The following STARD10 variants were observed in gnomAD, a reference collection of about 807,000 sequenced individuals.
STARD10 encodes the protein START domain-containing protein 10.
A neutral mutation model predicts 36.0 loss-of-function variants in STARD10; 24 were observed. The observed-to-expected ratio is 0.67, with a 90% CI of 0.48 to 0.94. STARD10 has a LOEUF of 0.94. STARD10 is among the 40% of genes least tolerant of loss of function. STARD10 has a pLI of 0.00. For synonymous variants in STARD10, 156 were observed against 161.9 expected (o/e 0.96, Z 0.28); for missense variants, 335 against 396.6 (o/e 0.84, Z 1.32).
chr11:72,761,862 G>GATAGGAA (rs1488977841), intron 2 of STARD10, among the ~76,000 whole-genome samples: 134 of 148,132 alleles, frequency 9.0e-4, no homozygotes, highest in African/African-American at 3.1e-3. Context: ...CTAAATGATA[G>GATAGGAA]ATAGGAATGT....
At chr11:72,775,862 C>T (rs1858922673) in intron 2 of STARD10, among the ~76,000 whole-genome samples, 1 of 152,192 alleles carries the variant, frequency 6.6e-6, no homozygotes, top group Non-Finnish European at 1.5e-5. Flanking sequence ...AGGCAGAGAA[C>T]TTGCCCAGGG....
At chr11:72,770,511 C>G (rs1330805434) in intron 2 of STARD10, among the ~76,000 whole-genome samples, 2 of 152,342 alleles carry the variant, frequency 1.3e-5, no homozygotes, top group African/African-American at 4.8e-5. Flanking sequence ...AGCCACCACA[C>G]CCAGCCTTAC....
In STARD10 at chr11:72,794,020, C is replaced by T. The variant is rs1380163074; in HGVS notation, c.-1259G>A. 6.6e-6 allele frequency: 1 copy of T among 152,242 alleles called. No individual in the cohort carries two copies. Among genetic ancestry groups the T allele is most frequent in the Non-Finnish European group, 1.5e-5 (1 of 68,048 alleles). 9.4% of individuals were successfully genotyped at this position (152,242 alleles called of 1,614,324 possible). ...TCATCGCGTCACCAAGCCCCACGTG[C>T]AGGTTCTGGCATCCATCATGGCAAA... On this transcript the variant is annotated 5_prime_UTR_variant, in exon 1 of 7. Transcript: ENST00000334805.
At chr11:72,780,924 G>T in intron 2 of STARD10, 51 bp downstream of exon 2, 1 of 1,580,250 alleles carries the variant, frequency 6.3e-7, no homozygotes, top group South Asian at 1.1e-5. Context: ...GACTCCGGGA[G>T]AGAGGCAGTA....
intron 2 of STARD10, among the ~76,000 whole-genome samples, chr11:72,776,747 GT>G (rs1368967207): frequency 1.3e-5 from 2 of 152,118 alleles, no homozygotes; most frequent in African/African-American, 4.8e-5. Context: ...CCAGAGACTA[GT>G]AAGAGTGGGA....
intron 1 of STARD10, among the ~76,000 whole-genome samples, chr11:72,785,560 C>CAAA (rs869274892): frequency 2.4e-5 from 1 of 41,532 alleles, no homozygotes; most frequent in Non-Finnish European, 4.2e-5. Flanking sequence ...GGCTCTGTCT[C>CAAA]AAAAAAAAAA....
At chr11:72,768,547 G>C (rs1858820598) in intron 2 of STARD10, among the ~76,000 whole-genome samples, 1 of 152,154 alleles carries the variant, frequency 6.6e-6, no homozygotes, top group Non-Finnish European at 1.5e-5. Flanking sequence ...TGTCATGAGG[G>C]GTGCTGAGGC....
chr11:72,774,635 T>A (rs142540468), intron 2 of STARD10, among the ~76,000 whole-genome samples: 9 of 152,316 alleles, frequency 5.9e-5, no homozygotes, highest in East Asian at 3.9e-4. Flanking sequence ...AGCACCACCA[T>A]CTGCCCAGTC....
At chr11:72,772,046 C>T (rs1858865466) in intron 2 of STARD10, among the ~76,000 whole-genome samples, 1 of 152,200 alleles carries the variant, frequency 6.6e-6, no homozygotes, top group African/African-American at 2.4e-5. Flanking sequence ...CCCCAACAGC[C>T]CCCAGAGCAC....
chr11:72,762,896 C>T (rs1858739446), intron 2 of STARD10, among the ~76,000 whole-genome samples: 1 of 152,184 alleles, frequency 6.6e-6, no homozygotes, highest in Admixed American at 6.5e-5. Flanking sequence ...CAAAAGGTCC[C>T]TGGTTCTAGG....
intron 2 of STARD10, among the ~76,000 whole-genome samples, chr11:72,778,618 T>C (rs1178769865): frequency 6.6e-6 from 1 of 152,054 alleles, no homozygotes; most frequent in Non-Finnish European, 1.5e-5. Flanking sequence ...CCTCTCTCCA[T>C]TGTAGGGAGC....
At chr11:72,767,314 G>T (rs1432739228) in intron 2 of STARD10, among the ~76,000 whole-genome samples, 1 of 152,146 alleles carries the variant, frequency 6.6e-6, no homozygotes, top group Non-Finnish European at 1.5e-5. Flanking sequence ...AACCACCTCT[G>T]CCAGCTGTCA....
At chr11:72,758,509 A>T in intron 4 of STARD10, 21 bp downstream of exon 4, 1 of 1,599,758 alleles carries the variant, frequency 6.3e-7, no homozygotes, top group African/African-American at 1.3e-5. Flanking sequence ...GCTCCACCGC[A>T]GGGAAGGCAG....
In STARD10 at chr11:72,792,967, C is replaced by G. The variant is rs1325283183; in HGVS notation, c.-206G>C. 1 of 153,236 alleles carries G rather than the reference C, an allele frequency of 6.5e-6. No individual in the cohort carries two copies. The highest frequency in any genetic ancestry group is 1.5e-5 in the Non-Finnish European group (1 of 68,834). The allele number at this position is 153,236 out of a possible 1,614,324, so 9.5% of individuals were successfully genotyped here. A position where few individuals can be genotyped will look rare whatever the true frequency, so the allele number is the denominator to read the frequency against. On this transcript the variant is annotated 5_prime_UTR_variant, in exon 1 of 7. Coordinates refer to ENST00000334805, the MANE Select transcript of STARD10 (RefSeq NM_006645.3). ...TCAGCTTCTTGGCTCTGGTGCTCAT[C>G]TCAACACAGCAGGGTCTTCCTCCAT...
chr11:72,769,479 G>A (rs1324004382), intron 2 of STARD10, among the ~76,000 whole-genome samples: 2 of 152,066 alleles, frequency 1.3e-5, no homozygotes, highest in East Asian at 1.9e-4. Context: ...CAGTAGCTGG[G>A]ACTACAGGTG....
chr11:72,777,546 C>T (rs1858942424), intron 2 of STARD10, among the ~76,000 whole-genome samples: 1 of 152,250 alleles, frequency 6.6e-6, no homozygotes, highest in South Asian at 2.1e-4. Context: ...CAAGCTGCCC[C>T]CTGCCTTGTA....
chr11:72,768,998 C>A (rs1051841952), intron 2 of STARD10, among the ~76,000 whole-genome samples: 11 of 152,198 alleles, frequency 7.2e-5, no homozygotes, highest in African/African-American at 2.7e-4. Flanking sequence ...GAAGGAGGTG[C>A]AGCCGTGAAA....
At chr11:72,779,081 C>T (rs1858959895) in intron 2 of STARD10, among the ~76,000 whole-genome samples, 1 of 152,164 alleles carries the variant, frequency 6.6e-6, no homozygotes, top group East Asian at 1.9e-4. Flanking sequence ...GTAGCTCCGC[C>T]CTATTGACAC....
chr11:72,754,911 T>TGTC lies in STARD10; in HGVS notation c.859_861dup (p.Asp287dup). ...CGGTGCGGCGCTCAGGTGAGCGAGG[T>TGTC]GTCGTCGTCGCTGCCCTCGCCGCCC... is the stretch of plus-strand genomic sequence containing the variant. On this transcript the variant is annotated inframe_insertion, in exon 7 of 7. Coordinates refer to ENST00000334805, the MANE Select transcript of STARD10 (RefSeq NM_006645.3). 1 of 1,599,142 alleles carries TGTC rather than the reference T, an allele frequency of 6.3e-7. No individual in the cohort carries two copies. Among genetic ancestry groups the TGTC allele is most frequent in the Non-Finnish European group, 8.5e-7 (1 of 1,178,410 alleles).
Sources: allele counts gnomAD v4.1 joint callset (sites outside exome capture counted in the v4.1 genomes callset), GRCh38; gene constraint gnomAD v4.1.1; transcripts MANE v1.5; gene names NCBI Gene and HGNC (gene_info 2026-07-23, HGNC 2026-07-21).